The following MYH14 variants were observed in gnomAD, a reference collection of about 807,000 sequenced individuals.
The protein encoded by MYH14 is myosin-14.
Under a neutral mutation model 255.5 loss-of-function variants are expected in MYH14, and 123 were observed. That is an observed-to-expected ratio of 0.48 (90% confidence interval 0.42 to 0.56). The LOEUF (loss-of-function observed/expected upper bound fraction) is 0.56. Among genes scored for constraint, MYH14 ranks in the 20% least tolerant of loss-of-function variants. The pLI is 0.00. For synonymous variants in MYH14, 1,095 were observed against 1,161.2 expected (o/e 0.94, Z 1.16); for missense variants, 2,423 against 2,802.3 (o/e 0.86, Z 3.06).
At position 50,223,065 on chromosome 19, in the gene MYH14, C is replaced by G. The variant is rs1568472371; in HGVS notation, c.563-18C>G. On this transcript the variant is annotated intron_variant, in intron 3 of 42. Coordinates refer to ENST00000642316, the MANE Select transcript of MYH14 (RefSeq NM_001145809.2). ...AGACTCTCTCAGATGACATATTCCCCCACTCTGTCCCCTACAGATCGTGAG... is the reference window on the plus strand; with the variant it reads ...AGACTCTCTCAGATGACATATTCCCGCACTCTGTCCCCTACAGATCGTGAG... 6.2e-7 allele frequency: 1 copy of G among 1,611,862 alleles called. No homozygotes were observed. Among genetic ancestry groups the G allele is most frequent in the Non-Finnish European group, 8.5e-7 (1 of 1,177,984 alleles).
rs190283424 is a variant in MYH14, at chr19:50,271,449, A to G, written c.3074A>G (p.Gln1025Arg). The change falls in exon 25 of 43, where the codon CAG (glutamine) becomes CGG (arginine). Residue 1025 changes from glutamine (Q) to arginine (R), a missense_variant. Around this residue, in one of 3 missense-constraint regions of MYH14, gnomAD observed 1,513 missense variants for 1,674.8 expected, o/e 0.90. Transcript: ENST00000642316. ...AHLEAEEGAR[Q>R]KLQLEKVTTE... ...CTTGAGGCTGAGGAGGGTGCGCGGC[A>G]GAAGCTGCAGCTGGAGAAGGTGACG... The G allele has an allele frequency of 1.2e-6, 2 of 1,607,594 alleles. No homozygotes were observed. The highest frequency in any genetic ancestry group is 4.5e-5 in the East Asian group (2 of 44,660).
intron 34 of MYH14, among the ~76,000 whole-genome samples, chr19:50,286,982 G>T (rs138751769): frequency 6.6e-6 from 1 of 152,090 alleles, no homozygotes; most frequent in Non-Finnish European, 1.5e-5. Context: ...GCCAGGCATG[G>T]TGGCACATGC....
At chr19:50,272,120 T>G in intron 26 of MYH14, 148 bp downstream of exon 26, 7 of 1,088,838 alleles carry the variant, frequency 6.4e-6, no homozygotes, top group Non-Finnish European at 7.9e-6. Context: ...CTCCCAGCTC[T>G]TGAGTTCTTA....
chr19:50,251,102 A>G (rs1176661948), intron 15 of MYH14, among the ~76,000 whole-genome samples: 2 of 152,204 alleles, frequency 1.3e-5, no homozygotes, highest in African/African-American at 4.8e-5. Flanking sequence ...TAAGGTTAAT[A>G]GGTCTTTCAG....
intron 40 of MYH14, 42 bp downstream of exon 40, chr19:50,301,911 A>G (rs1248646875): frequency 6.6e-7 from 1 of 1,505,350 alleles, no homozygotes; most frequent in Admixed American, 1.9e-5. Flanking sequence ...TGACCTCCAC[A>G]TTCTGGTTGG....
intron 6 of MYH14, 53 bp from the exon 7 acceptor site, chr19:50,225,532 G>A (rs939583496): frequency 5.5e-6 from 8 of 1,456,532 alleles, no homozygotes; most frequent in Middle Eastern, 2.1e-4. Context: ...GGGCTGGCCT[G>A]GCCTCCTGCC....
intron 30 of MYH14, among the ~76,000 whole-genome samples, chr19:50,278,631 G>A (rs917270740): frequency 1.3e-5 from 2 of 152,044 alleles, no homozygotes; most frequent in African/African-American, 4.8e-5. Flanking sequence ...TTGAGCCTGG[G>A]AGGTCGAGGC....
rs1161198188 is a variant in MYH14 at position 50,310,266 on chromosome 19, G to A, written c.*476G>A. ...AGGGTCTCTCTGTGCATCTTTTTAGGAATCTCGCTCTCACTCTCTACGTAG... is the reference window on the plus strand; with the variant it reads ...AGGGTCTCTCTGTGCATCTTTTTAGAAATCTCGCTCTCACTCTCTACGTAG... On this transcript the variant is annotated 3_prime_UTR_variant, in exon 43 of 43. Coordinates refer to ENST00000642316, the MANE Select transcript of MYH14 (RefSeq NM_001145809.2). 1 of 198,750 alleles carries A rather than the reference G, an allele frequency of 5.0e-6. No homozygotes were observed. The highest frequency in any genetic ancestry group is 2.4e-5 in the African/African-American group (1 of 41,614). The allele number at this position is 198,750 out of a possible 1,614,324, so 12.3% of individuals were successfully genotyped here. A position where few individuals can be genotyped will look rare whatever the true frequency, so the allele number is the denominator to read the frequency against.
chr19:50,264,067 A>AAAG lies in MYH14; in HGVS notation c.2694+649_2694+650insGAA, dbSNP rs1555769760. Among the ~76,000 whole-genome samples, 61 of 118,610 alleles carry AAAG rather than the reference A, an allele frequency of 5.1e-4. No individual in the cohort carries two copies. In the East Asian group the frequency reaches 5.5e-3, roughly 11 times the overall value. 77.8% of individuals were successfully genotyped at this position (118,610 alleles called of 152,430 possible). ...CAAAACTCTGTCTCAAAAAAAAAAA[A>AAAG]AAAAAAAAAGAGCAAAGGTTAAAAA... On this transcript the variant is annotated intron_variant, in intron 22 of 42. Transcript: ENST00000642316.
chr19:50,261,477 C>T lies in MYH14; in HGVS notation c.2427C>T (p.Ile809=). 3 of 1,333,666 alleles carry T rather than the reference C, an allele frequency of 2.2e-6. No homozygotes were observed. Among genetic ancestry groups the T allele is most frequent in the Non-Finnish European group, 2.9e-6 (3 of 1,029,596 alleles). 82.6% of individuals were successfully genotyped at this position (1,333,666 alleles called of 1,614,324 possible). A position where few individuals can be genotyped will look rare whatever the true frequency, so the allele number is the denominator to read the frequency against. ...MDGKQACEKM[I]QALELDPNLY... ...CACCCCTCTCCCACCCCTCACAGAT[C>T]CAGGCGCTGGAACTGGACCCCAACC... is the stretch of plus-strand genomic sequence containing the variant. The change falls in exon 21 of 43, where the codon ATC becomes ATT. Residue 809 remains isoleucine, a splice_region_variant and synonymous_variant. Coordinates refer to ENST00000642316, the MANE Select transcript of MYH14 (RefSeq NM_001145809.2).
At chr19:50,274,154 T>TA (rs1435561628) in intron 27 of MYH14, among the ~76,000 whole-genome samples, 1 of 152,190 alleles carries the variant, frequency 6.6e-6, no homozygotes. Context: ...ATGTTTCTGT[T>TA]ACTACTTTAT....
chr19:50,210,803 C>T (rs367547817), intron 2 of MYH14, 33 bp downstream of exon 2: 163 of 1,531,658 alleles, frequency 1.1e-4, no homozygotes, highest in Non-Finnish European at 7.7e-5. Flanking sequence ...GCGCGTGCGG[C>T]GGAGTTGCTG....
intron 1 of MYH14, among the ~76,000 whole-genome samples, chr19:50,207,340 G>A (rs1008633391): frequency 6.8e-6 from 1 of 146,672 alleles, no homozygotes; most frequent in South Asian, 2.2e-4. Flanking sequence ...TTTAGCAGGA[G>A]GGGGCCACGC....
chr19:50,251,531 C>T (rs1320649867), intron 15 of MYH14, among the ~76,000 whole-genome samples: 24 of 30,638 alleles, frequency 7.8e-4, no homozygotes, highest in African/African-American at 1.4e-3. Flanking sequence ...TACACACACA[C>T]ACACACACAC....
In MYH14 at chr19:50,276,092, T is replaced by C. The variant is rs768440239; in HGVS notation, c.3569T>C (p.Val1190Ala). 1 of 1,610,016 alleles carries C rather than the reference T, an allele frequency of 6.2e-7. No individual in the cohort carries two copies. The highest frequency in any genetic ancestry group is 1.1e-5 in the South Asian group (1 of 90,176). ...EAQEDLESER[V>A]ARTKAEKQRR... The stretch of plus-strand genomic sequence containing the variant: ...CAGGAGGACCTGGAGTCTGAGCGTG[T>C]GGCCAGGACCAAGGCGGAGAAGCAG... The change falls in exon 28 of 43, where the codon GTG becomes GCG. Residue 1190 changes from valine to alanine, a missense_variant. Val to Ala is a moderately conservative substitution (Grantham distance 64, BLOSUM62 0). Coordinates refer to ENST00000642316, the MANE Select transcript of MYH14 (RefSeq NM_001145809.2). This position sits in a 1 kb window ranked among gnomAD's most constrained non-coding sequence, Gnocchi z 4.3.
chr19:50,276,927 A>AG lies in MYH14; in HGVS notation c.3825+32dup. 1 of 613,358 alleles carries AG rather than the reference A, an allele frequency of 1.6e-6. No homozygotes were observed. Among genetic ancestry groups the AG allele is most frequent in the Non-Finnish European group, 2.3e-6 (1 of 426,252 alleles). The allele number at this position is 613,358 out of a possible 1,614,324, so 38.0% of individuals were successfully genotyped here. ...GTGGGTTGGGGCAGGGGGACAGGGCAGGGGGGCCACGGGGAGGGCAGGGCA... is the reference window on the plus strand; with the variant it reads ...GTGGGTTGGGGCAGGGGGACAGGGCAGGGGGGGCCACGGGGAGGGCAGGGCA... On this transcript the variant is annotated intron_variant, in intron 29 of 42. Transcript: ENST00000642316. The surrounding 1 kb of genome is among the most constrained non-coding windows in gnomAD (Gnocchi z 4.3).
chr19:50,272,659 A>C lies in MYH14; in HGVS notation c.3395A>C (p.Gln1132Pro). 1 of 1,560,884 alleles carries C rather than the reference A, an allele frequency of 6.4e-7. No homozygotes were observed. Among genetic ancestry groups the C allele is most frequent in the South Asian group, 1.2e-5 (1 of 84,706 alleles). The change falls in exon 27 of 43, where the codon CAG (glutamine) becomes CCG (proline). Residue 1132 changes from glutamine to proline, a missense_variant. Physicochemically the swap from Gln to Pro is moderately conservative, Grantham distance 76. Transcript: ENST00000642316. ...GAGCTGCAGGAGCAGATGGTGGAGC[A>C]GCAACAGCGGGCAGAGGAGCTGCGG... is the stretch of plus-strand genomic sequence containing the variant. ...SSELQEQMVE[Q>P]QQRAEELRAQ...
Position 50,230,868 on chromosome 19 carries a change from G to A in MYH14, c.973+245G>A, listed in dbSNP as rs2033346194. ...TCGCGCCCGCTGTCACGGCCACGCAGCCCCCGCCGCCTGGTGGCTCCTGCT... is the reference window on the plus strand; with the variant it reads ...TCGCGCCCGCTGTCACGGCCACGCAACCCCCGCCGCCTGGTGGCTCCTGCT... On this transcript the variant is annotated intron_variant, in intron 9 of 42. Coordinates refer to ENST00000642316, the MANE Select transcript of MYH14 (RefSeq NM_001145809.2). The surrounding 1 kb of genome is among the most constrained non-coding windows in gnomAD (Gnocchi z 4.7). 1 of 497,430 alleles carries A rather than the reference G, an allele frequency of 2.0e-6. No homozygotes were observed. The allele number at this position is 497,430 out of a possible 1,614,324, so 30.8% of individuals were successfully genotyped here. A position where few individuals can be genotyped will look rare whatever the true frequency, so the allele number is the denominator to read the frequency against.
chr19:50,302,333 G>A (rs935751016), intron 40 of MYH14, among the ~76,000 whole-genome samples: 11 of 149,368 alleles, frequency 7.4e-5, no homozygotes, highest in South Asian at 2.1e-4. Flanking sequence ...TGTAATCCCA[G>A]CACTTTGGGA....
Sources: allele counts gnomAD v4.1 joint callset (sites outside exome capture counted in the v4.1 genomes callset), GRCh38; gene constraint gnomAD v4.1.1; regional missense constraint gnomAD v4.1.1; non-coding constraint Gnocchi (gnomAD v3.1); transcripts MANE v1.5; gene names NCBI Gene and HGNC (gene_info 2026-07-23, HGNC 2026-07-21).